The following R3HDML variants were observed in gnomAD, a reference collection of about 807,000 sequenced individuals.
R3HDML encodes peptidase inhibitor R3HDML.
R3HDML carries 21 observed loss-of-function variants against 24.2 expected under a neutral mutation model. The ratio of observed to expected loss-of-function variants is 0.87; its 90% CI spans 0.62 to 1.25. The LOEUF (loss-of-function observed/expected upper bound fraction) is 1.25, where lower values mean the gene tolerates loss of function less well. R3HDML is among the 50% of genes most tolerant of loss of function. The probability of loss-of-function intolerance (pLI) is 0.00; values close to 1 mark genes in which losing one functional copy is unlikely to be tolerated. For missense variants in R3HDML, 301 were observed against 340.3 expected, an observed-to-expected ratio of 0.88 and a Z score of 0.91; for synonymous variants, 133 against 131.5, an observed-to-expected ratio of 1.01 and a Z score of -0.08.
chr20:44,346,437 A>G (rs567546019), intron 4 of R3HDML, among the ~76,000 whole-genome samples: 1 of 152,308 alleles, frequency 6.6e-6, no homozygotes, highest in African/African-American at 2.4e-5. Context: ...CCTTTACCCA[A>G]GTTTGAGAAT....
At chr20:44,344,339 G>T (rs2146111241) in intron 3 of R3HDML, among the ~76,000 whole-genome samples, 1 of 152,146 alleles carries the variant, frequency 6.6e-6, no homozygotes, top group Middle Eastern at 3.4e-3. Context: ...CTACGTGGGA[G>T]GCTGAGGCAG....
chr20:44,337,336 T>A lies in R3HDML; in HGVS notation c.179T>A (p.Val60Glu). 1.9e-6 allele frequency: 3 copies of A among 1,614,106 alleles called. No individual in the cohort carries two copies. Among genetic ancestry groups the A allele is most frequent in the Non-Finnish European group, 2.5e-6 (3 of 1,179,966 alleles). The change falls in exon 1 of 5, where the codon GTG (valine) becomes GAG (glutamate). Residue 60 changes from valine (V) to glutamate (E), a missense_variant. Coordinates refer to ENST00000217043, the MANE Select transcript of R3HDML (RefSeq NM_178491.4). This position sits in a 1 kb window ranked among gnomAD's most constrained non-coding sequence, Gnocchi z 4.7. ...PRYRRKRHIS[V>E]RDMNALLDYH... ...TACCGCCGGAAGCGCCACATCTCTGTGAGAGACATGAATGCCTTACTGGAT... is the reference window on the plus strand; with the variant it reads ...TACCGCCGGAAGCGCCACATCTCTGAGAGAGACATGAATGCCTTACTGGAT...
chr20:44,348,518 T>TC (rs1408961292), intron 4 of R3HDML, among the ~76,000 whole-genome samples: 137 of 145,644 alleles, frequency 9.4e-4, no homozygotes, highest in Non-Finnish European at 1.6e-3. Context: ...TCCTTTCCTT[T>TC]CTTTTCTTCT....
intron 1 of R3HDML, among the ~76,000 whole-genome samples, chr20:44,338,450 C>T (rs571175068): frequency 1.3e-5 from 2 of 152,196 alleles, no homozygotes; most frequent in South Asian, 2.1e-4. Flanking sequence ...GGAGGCAATA[C>T]AGTGTTGGGA....
At position 44,340,143 on chromosome 20, in the gene R3HDML, C is replaced by T. The variant is rs1344391451; in HGVS notation, c.262-1053C>T. Among the ~76,000 whole-genome samples, 3 of 151,936 alleles carry T rather than the reference C, an allele frequency of 2.0e-5. No homozygotes were observed. In the South Asian group the frequency reaches 6.2e-4, roughly 32 times the overall value. On this transcript the variant is annotated intron_variant, in intron 1 of 4. Coordinates refer to ENST00000217043, the MANE Select transcript of R3HDML (RefSeq NM_178491.4). The stretch of plus-strand genomic sequence containing the variant: ...CTAATTTTTATATTTTTAGTAGAGA[C>T]AGGGTTTCACCATGTTGGCCAGGTT...
chr20:44,348,796 G>A (rs192537388), intron 4 of R3HDML, among the ~76,000 whole-genome samples: 1 of 152,176 alleles, frequency 6.6e-6, no homozygotes, highest in Non-Finnish European at 1.5e-5. Flanking sequence ...CTACAGGCAC[G>A]AGCCACCAAG....
chr20:44,341,842 G>A (rs570454088), intron 2 of R3HDML, among the ~76,000 whole-genome samples: 11 of 152,220 alleles, frequency 7.2e-5, no homozygotes, highest in South Asian at 4.2e-4. Context: ...CTGAGGTTGC[G>A]CCACTGCACT....
intron 1 of R3HDML, among the ~76,000 whole-genome samples, chr20:44,339,145 T>G (rs1278342960): frequency 6.7e-6 from 1 of 149,636 alleles, no homozygotes; most frequent in African/African-American, 2.5e-5. Flanking sequence ...CATTTCTCCC[T>G]CCCTAGCTGA....
In R3HDML at chr20:44,337,378, G is replaced by T; in HGVS notation, c.221G>T (p.Arg74Leu). The T allele has an allele frequency of 1.2e-6, 2 of 1,614,126 alleles. No individual in the cohort carries two copies. Among genetic ancestry groups the T allele is most frequent in the Non-Finnish European group, 1.7e-6 (2 of 1,180,028 alleles). ...NALLDYHNHI[R>L]ASVYPPAANM... Reference sequence around the variant, plus strand: ...TTACTGGATTATCACAACCACATCCGGGCCAGTGTGTACCCACCTGCCGCC... The same window carrying T: ...TTACTGGATTATCACAACCACATCCTGGCCAGTGTGTACCCACCTGCCGCC... Residue 74 changes from arginine to leucine, a missense_variant, in exon 1 of 5, where the codon CGG becomes CTG. Arg to Leu is a moderately radical substitution (Grantham distance 102). Transcript: ENST00000217043. This position sits in a 1 kb window ranked among gnomAD's most constrained non-coding sequence, Gnocchi z 4.7.
Position 44,350,781 on chromosome 20 carries a change from A to T in R3HDML, c.751A>T (p.Thr251Ser). The stretch of plus-strand genomic sequence containing the variant: ...CAAGGGGCTGAAATCCAACAAGTTC[A>T]CGTGGTTCTGAATTTTCTCTGGGCT... Reference protein sequence around the residue: ...CFKGLKSNKFTWF With the variant: ...CFKGLKSNKFSWF Residue 251 changes from threonine (T) to serine (S), a missense_variant, in exon 5 of 5, where the codon ACG becomes TCG. Transcript: ENST00000217043. 6 of 1,613,868 alleles carry T rather than the reference A, an allele frequency of 3.7e-6. No individual in the cohort carries two copies. Among genetic ancestry groups the T allele is most frequent in the Non-Finnish European group, 5.1e-6 (6 of 1,179,886 alleles).
At chr20:44,342,341 T>G (rs796999199) in intron 2 of R3HDML, among the ~76,000 whole-genome samples, 12 of 152,246 alleles carry the variant, frequency 7.9e-5, no homozygotes, top group African/African-American at 2.4e-4. Flanking sequence ...TTTTTTCATG[T>G]CCTTCACTGG....
intron 2 of R3HDML, among the ~76,000 whole-genome samples, chr20:44,342,143 T>C (rs1323567334): frequency 6.6e-6 from 1 of 152,178 alleles, no homozygotes; most frequent in Non-Finnish European, 1.5e-5. Context: ...CACAGGCCTA[T>C]AAAATTGCAA....
rs1210628135 is a variant in R3HDML at position 44,337,433 on chromosome 20, C to T, written c.261+15C>T. ...TGGAATACATGGTGAGTCCCCGTAC[C>T]TGCCCCCCACCCCCCGCAGTGTCCC... On this transcript the variant is annotated intron_variant, in intron 1 of 4. Coordinates refer to ENST00000217043, the MANE Select transcript of R3HDML (RefSeq NM_178491.4). This position sits in a 1 kb window ranked among gnomAD's most constrained non-coding sequence, Gnocchi z 4.7. 6.2e-7 allele frequency: 1 copy of T among 1,604,658 alleles called. No homozygotes were observed. Among genetic ancestry groups the T allele is most frequent in the East Asian group, 2.2e-5 (1 of 44,616 alleles).
At chr20:44,348,520 T>TTTCCTTTCCTTTCCTTTCCTTTCCTTTCC (rs1555804779) in intron 4 of R3HDML, among the ~76,000 whole-genome samples, 17 of 87,336 alleles carry the variant, frequency 1.9e-4, no homozygotes, top group Non-Finnish European at 3.8e-4. Flanking sequence ...CTTTCCTTTC[T>TTTCCTTTCCTTTCCTTTCCTTTCCTTTCC]TTTCTTCTGT....
At position 44,350,720 on chromosome 20, in the gene R3HDML, C is replaced by T. The variant is rs759851756; in HGVS notation, c.690C>T (p.Pro230=). 1 of 1,614,048 alleles carries T rather than the reference C, an allele frequency of 6.2e-7. No individual in the cohort carries two copies. Among genetic ancestry groups the T allele is most frequent in the East Asian group, 2.2e-5 (1 of 44,866 alleles). The change falls in exon 5 of 5, where the codon CCC becomes CCT. Residue 230 remains proline (P), a synonymous_variant. Coordinates refer to ENST00000217043, the MANE Select transcript of R3HDML (RefSeq NM_178491.4). ...GAAAGCCGTGCTCCTCCTGTCCCCCCAGTTATCAAGGCAGCTGCAATAGCA... is the reference window on the plus strand; with the variant it reads ...GAAAGCCGTGCTCCTCCTGTCCCCCTAGTTATCAAGGCAGCTGCAATAGCA... ...KMGKPCSSCP[P]SYQGSCNSNM...
At position 44,350,930 on chromosome 20, in the gene R3HDML, T is replaced by A; in HGVS notation, c.*138T>A. The A allele has an allele frequency of 2.1e-6, 2 of 974,542 alleles. No individual in the cohort carries two copies. The highest frequency in any genetic ancestry group is 3.0e-6 in the Non-Finnish European group (2 of 659,670). 60.4% of individuals were successfully genotyped at this position (974,542 alleles called of 1,614,324 possible). On this transcript the variant is annotated 3_prime_UTR_variant, in exon 5 of 5. Transcript: ENST00000217043. The stretch of plus-strand genomic sequence containing the variant: ...CCCCTGTTGAATTTTCCCTCCTAGA[T>A]CCCCTTCTTAAATGTCCAACATGGG...
At position 44,337,573 on chromosome 20, in the gene R3HDML, G is replaced by A. The variant is rs1022701838; in HGVS notation, c.261+155G>A. On this transcript the variant is annotated intron_variant, in intron 1 of 4. Transcript: ENST00000217043. The surrounding 1 kb of genome is among the most constrained non-coding windows in gnomAD (Gnocchi z 4.7). ...ATCTGGGTGTCGACCTGTGGAAAGG[G>A]CAGGAGTTAATCTGCCCATTTTACA... 7.2e-5 allele frequency among the ~76,000 whole-genome samples: 11 copies of A among 152,196 alleles called. No individual in the cohort carries two copies. Among genetic ancestry groups the A allele is most frequent in the African/African-American group, 2.7e-4 (11 of 41,454 alleles).
intron 3 of R3HDML, chr20:44,344,851 G>A (rs940187520): frequency 3.4e-5 from 6 of 173,922 alleles, no homozygotes; most frequent in Admixed American, 1.1e-4. Context: ...CTAGTCTGAA[G>A]GTAGTGAGTT....
At chr20:44,338,751 G>A (rs1464588502) in intron 1 of R3HDML, among the ~76,000 whole-genome samples, 1 of 152,106 alleles carries the variant, frequency 6.6e-6, no homozygotes, top group Non-Finnish European at 1.5e-5. Flanking sequence ...TAGCATGAGG[G>A]AAGCACTCCT....
Sources: allele counts gnomAD v4.1 joint callset (sites outside exome capture counted in the v4.1 genomes callset), GRCh38; gene constraint gnomAD v4.1.1; non-coding constraint Gnocchi (gnomAD v3.1); transcripts MANE v1.5; gene names NCBI Gene and HGNC (gene_info 2026-07-23, HGNC 2026-07-21).